WWOX: variants seen among roughly 807,000 people sequenced by gnomAD.
WWOX encodes WW domain containing oxidoreductase.
A neutral mutation model predicts 46.2 loss-of-function variants in WWOX; 69 were observed. The ratio of observed to expected loss-of-function variants is 1.49; its 90% CI spans 1.23 to 1.82. The LOEUF (loss-of-function observed/expected upper bound fraction) is 1.82, where lower values mean the gene tolerates loss of function less well. Among genes scored for constraint, WWOX ranks in the 40% most tolerant of loss-of-function variants. The pLI is 0.00. For missense variants in WWOX, 919 were observed against 542.6 expected (o/e 1.69, Z -6.89); for synonymous variants, 359 against 202.6 (o/e 1.77, Z -6.56).
intron 4 of WWOX, among the ~76,000 whole-genome samples, chr16:78,151,783 T>C (rs1171442067): frequency 6.6e-6 from 1 of 152,172 alleles, no homozygotes; most frequent in Non-Finnish European, 1.5e-5. Context: ...GCACAAGAAG[T>C]TTTCCTGCCC....
At chr16:78,871,522 G>C (rs1179944301) in intron 8 of WWOX, among the ~76,000 whole-genome samples, 1 of 152,162 alleles carries the variant, frequency 6.6e-6, no homozygotes, top group East Asian at 1.9e-4. Context: ...AGATCTCCAA[G>C]GAAGCAGTTC....
At chr16:78,512,284 T>C (rs1210659883) in intron 8 of WWOX, among the ~76,000 whole-genome samples, 1 of 152,204 alleles carries the variant, frequency 6.6e-6, no homozygotes. Flanking sequence ...ATGGATCACA[T>C]TATAAAAGCA....
chr16:78,129,222 TA>T (rs1292552812), intron 4 of WWOX, among the ~76,000 whole-genome samples: 1 of 152,182 alleles, frequency 6.6e-6, no homozygotes, highest in Non-Finnish European at 1.5e-5. Flanking sequence ...TTGGGAAAGC[TA>T]GTCTTGTTGG....
chr16:78,606,983 C>T (rs1349614466), intron 8 of WWOX, among the ~76,000 whole-genome samples: 1 of 152,048 alleles, frequency 6.6e-6, no homozygotes, highest in Non-Finnish European at 1.5e-5. Flanking sequence ...AATGGGCAGA[C>T]TCTGTTTTTG....
intron 8 of WWOX, among the ~76,000 whole-genome samples, chr16:79,029,114 G>A (rs1016103770): frequency 3.9e-5 from 6 of 152,152 alleles, no homozygotes; most frequent in South Asian, 2.1e-4. Flanking sequence ...AGGTATCTCA[G>A]GATAGCAACA....
At chr16:78,733,052 T>C (rs1219918431) in intron 8 of WWOX, among the ~76,000 whole-genome samples, 1 of 152,214 alleles carries the variant, frequency 6.6e-6, no homozygotes, top group Non-Finnish European at 1.5e-5. Context: ...TTTCACATTT[T>C]AATAATGTAA....
intron 8 of WWOX, among the ~76,000 whole-genome samples, chr16:78,864,828 A>T (rs372199324): frequency 1.5e-5 from 2 of 132,316 alleles, no homozygotes; most frequent in Admixed American, 9.1e-5. Flanking sequence ...AGTGGTGTGA[A>T]CTCGGCTCAC....
intron 8 of WWOX, among the ~76,000 whole-genome samples, chr16:78,539,151 T>G (rs746212476): frequency 3.3e-5 from 5 of 152,230 alleles, no homozygotes; most frequent in Non-Finnish European, 2.9e-5. Flanking sequence ...TTTTATTGAA[T>G]TTTGGTTTTC....
chr16:78,947,224 C>T (rs542980172), intron 8 of WWOX, among the ~76,000 whole-genome samples: 6 of 152,096 alleles, frequency 3.9e-5, no homozygotes, highest in Non-Finnish European at 7.4e-5. Flanking sequence ...CAACTGGAGG[C>T]CTGCAAATGA....
intron 5 of WWOX, among the ~76,000 whole-genome samples, chr16:78,294,009 A>AAAAAAGG: frequency 6.6e-6 from 1 of 150,950 alleles, no homozygotes; most frequent in African/African-American, 2.4e-5. Flanking sequence ...AAAAAAAAAA[A>AAAAAAGG]AGGCTTTCCT....
intron 6 of WWOX, among the ~76,000 whole-genome samples, chr16:78,419,668 G>A (rs554929589): frequency 2.7e-4 from 35 of 128,402 alleles, no homozygotes; most frequent in African/African-American, 8.9e-4. Context: ...AGACTTAAAT[G>A]TAAGAGCTAA....
chr16:78,298,460 T>C (rs1049472110), intron 5 of WWOX, among the ~76,000 whole-genome samples: 9 of 152,242 alleles, frequency 5.9e-5, no homozygotes, highest in African/African-American at 2.2e-4. Context: ...GCTTAATCCT[T>C]ATGAGTCCCG....
At chr16:78,158,960 A>G (rs1026466100) in intron 4 of WWOX, among the ~76,000 whole-genome samples, 1 of 152,016 alleles carries the variant, frequency 6.6e-6, no homozygotes, top group Non-Finnish European at 1.5e-5. Flanking sequence ...CTTTGCCTAC[A>G]CCATTCTATT....
intron 6 of WWOX, among the ~76,000 whole-genome samples, chr16:78,412,561 C>T (rs902295772): frequency 3.6e-4 from 54 of 151,928 alleles, no homozygotes; most frequent in African/African-American, 1.2e-3. Flanking sequence ...TTGGAGGAGA[C>T]AAAAAATGGA....
rs1346360560 is a variant in WWOX at position 78,676,403 on chromosome 16, A to T, written c.1056+243651A>T. Among the ~76,000 whole-genome samples, 23 of 140,250 alleles carry T rather than the reference A, an allele frequency of 1.6e-4. No homozygotes were observed. The South Asian group carries it at 4.0e-3, about 25-fold the overall frequency. 92.0% of individuals were successfully genotyped at this position (140,250 alleles called of 152,430 possible). A position where few individuals can be genotyped will look rare whatever the true frequency, so the allele number is the denominator to read the frequency against. On this transcript the variant is annotated intron_variant, in intron 8 of 8. Transcript: ENST00000566780. The stretch of plus-strand genomic sequence containing the variant: ...CTATTAACAGCCCTCCATATTTACT[A>T]TTTTTTTTTTTTTTTTTAACTCTGG...
intron 8 of WWOX, among the ~76,000 whole-genome samples, chr16:78,523,206 A>G (rs2043387171): frequency 6.6e-6 from 1 of 152,238 alleles, no homozygotes; most frequent in African/African-American, 2.4e-5. Flanking sequence ...AATAATTACC[A>G]TCTTCATTTA....
chr16:78,462,611 C>A (rs1215899909), intron 8 of WWOX, among the ~76,000 whole-genome samples: 4 of 152,154 alleles, frequency 2.6e-5, no homozygotes, highest in East Asian at 3.9e-4. Flanking sequence ...ATCAGAGGTC[C>A]GTCTCCAAGT....
chr16:78,752,972 G>A (rs528684736), intron 8 of WWOX, among the ~76,000 whole-genome samples: 1 of 152,138 alleles, frequency 6.6e-6, no homozygotes, highest in Admixed American at 6.5e-5. Flanking sequence ...TGTCTGCCTG[G>A]TTCTTCCAGG....
At chr16:78,283,993 T>C (rs1252616823) in intron 5 of WWOX, among the ~76,000 whole-genome samples, 3 of 152,258 alleles carry the variant, frequency 2.0e-5, no homozygotes, top group Non-Finnish European at 4.4e-5. Context: ...TGATGAATTA[T>C]CACAAATAAC....
Sources: gnomAD v4.1 joint callset for allele counts (sites outside exome capture counted in the v4.1 genomes callset) on GRCh38, gnomAD v4.1.1 for gene constraint, MANE v1.5 for transcripts, NCBI Gene and HGNC (gene_info 2026-07-23, HGNC 2026-07-21) for gene names.